ASIC2: variants seen among roughly 807,000 people sequenced by gnomAD.
ASIC2 encodes acid-sensing ion channel 2.
A neutral mutation model predicts 57.3 loss-of-function variants in ASIC2; 25 were observed. That is an observed-to-expected ratio of 0.44 (90% CI 0.32 to 0.61). The LOEUF (loss-of-function observed/expected upper bound fraction) is 0.61. ASIC2 is among the 20% of genes least tolerant of loss of function. ASIC2 has a pLI of 0.06. For synonymous variants in ASIC2, 319 were observed against 307.5 expected, an observed-to-expected ratio of 1.04 and a Z score of -0.39; for missense variants, 641 against 738.1, an observed-to-expected ratio of 0.87 and a Z score of 1.52.
At chr17:33,831,487 G>T (rs1162173724) in intron 1 of ASIC2, among the ~76,000 whole-genome samples, 1 of 151,642 alleles carries the variant, frequency 6.6e-6, no homozygotes, top group Non-Finnish European at 1.5e-5. Flanking sequence ...TTCCCTTAAA[G>T]GATTTTCAAT....
chr17:33,891,890 C>T (rs1914968417), intron 1 of ASIC2, among the ~76,000 whole-genome samples: 1 of 152,224 alleles, frequency 6.6e-6, no homozygotes, highest in African/African-American at 2.4e-5. Context: ...ACACCCACAT[C>T]CCTCCCTGGA....
At chr17:33,046,061 G>A (rs1450965460) in intron 3 of ASIC2, among the ~76,000 whole-genome samples, 1 of 152,194 alleles carries the variant, frequency 6.6e-6, no homozygotes, top group Non-Finnish European at 1.5e-5. Context: ...TTGTTTCCCT[G>A]TACTGTGGTG....
chr17:33,656,438 G>A lies in ASIC2; in HGVS notation c.555+499540C>T, dbSNP rs540737812. On this transcript the variant is annotated intron_variant, in intron 1 of 9. Coordinates refer to the ASIC2 transcript ENST00000359872. ...TCCTTGTCCCCCAACATTGCAAATG[G>A]CCTAAGACCAACACGTTCCTATTTC... Among the ~76,000 whole-genome samples the A allele has an allele frequency of 5.9e-5, 9 of 152,238 alleles. No homozygotes were observed. The East Asian group carries it at 1.7e-3, about 29-fold the overall frequency.
intron 3 of ASIC2, among the ~76,000 whole-genome samples, chr17:33,038,734 C>T (rs16561): frequency 0.52 from 78,649 of 152,038 alleles, 21,607 homozygotes; most frequent in African/African-American, 0.7. Context: ...CAACAGTCGC[C>T]TTCATTTTGT....
At chr17:33,494,668 G>T (rs983816000) in intron 1 of ASIC2, among the ~76,000 whole-genome samples, 1 of 152,182 alleles carries the variant, frequency 6.6e-6, no homozygotes, top group African/African-American at 2.4e-5. Context: ...TGGGGCTGGG[G>T]CTTAAAGCTG....
intron 1 of ASIC2, among the ~76,000 whole-genome samples, chr17:33,353,117 T>C (rs1233186680): frequency 6.6e-6 from 1 of 152,242 alleles, no homozygotes; most frequent in Non-Finnish European, 1.5e-5. Context: ...TGTATTGTGA[T>C]TGAATGGCTC....
At chr17:34,102,100 G>A (rs1249233340) in intron 1 of ASIC2, among the ~76,000 whole-genome samples, 8 of 152,012 alleles carry the variant, frequency 5.3e-5, no homozygotes. Flanking sequence ...ACTGAGGTCA[G>A]GAGTTCGAGA....
intron 1 of ASIC2, among the ~76,000 whole-genome samples, chr17:33,944,868 C>T (rs559458099): frequency 2.6e-5 from 4 of 152,260 alleles, no homozygotes; most frequent in East Asian, 1.9e-4. Context: ...TCCACCAATG[C>T]GTAAAATGGA....
At chr17:33,103,497 C>T (rs774566502) in intron 2 of ASIC2, among the ~76,000 whole-genome samples, 1 of 152,166 alleles carries the variant, frequency 6.6e-6, no homozygotes, top group African/African-American at 2.4e-5. Context: ...TGTTCATTGC[C>T]TTTTAGTGGG....
At chr17:33,144,297 G>A (rs1904457976) in intron 1 of ASIC2, among the ~76,000 whole-genome samples, 1 of 152,156 alleles carries the variant, frequency 6.6e-6, no homozygotes, top group Non-Finnish European at 1.5e-5. Context: ...GAGGGCAGAA[G>A]AGGGGGCCCA....
intron 1 of ASIC2, among the ~76,000 whole-genome samples, chr17:33,327,250 C>T (rs1907116032): frequency 6.6e-6 from 1 of 152,202 alleles, no homozygotes; most frequent in Non-Finnish European, 1.5e-5. Flanking sequence ...TCAAGTCTTG[C>T]CTTCTTTCTG....
chr17:33,516,403 TGTGA>T (rs951619447), intron 1 of ASIC2, among the ~76,000 whole-genome samples: 1 of 123,410 alleles, frequency 8.1e-6, no homozygotes, highest in South Asian at 2.5e-4. Flanking sequence ...TGTTTGTGAG[TGTGA>T]GTGTGTGTGT....
chr17:33,729,654 G>A (rs1345138164), intron 1 of ASIC2, among the ~76,000 whole-genome samples: 1 of 152,120 alleles, frequency 6.6e-6, no homozygotes, highest in East Asian at 1.9e-4. Flanking sequence ...TCCTTAAACT[G>A]CTTTTGCTTT....
intron 1 of ASIC2, among the ~76,000 whole-genome samples, chr17:33,853,585 G>A (rs1271262118): frequency 6.6e-6 from 1 of 152,180 alleles, no homozygotes; most frequent in African/African-American, 2.4e-5. Context: ...GTCATGGGTG[G>A]CCCATTAATG....
intron 1 of ASIC2, among the ~76,000 whole-genome samples, chr17:33,521,886 A>C (rs1914751956): frequency 6.6e-6 from 1 of 152,160 alleles, no homozygotes; most frequent in Non-Finnish European, 1.5e-5. Flanking sequence ...CTGGGTGTGC[A>C]TGGCAGGCAG....
upstream of ASIC2, among the ~76,000 whole-genome samples, chr17:33,294,974 C>T (rs955821562): frequency 6.6e-6 from 1 of 152,168 alleles, no homozygotes; most frequent in East Asian, 1.9e-4. Flanking sequence ...CACAGTGACC[C>T]GTGTCTTGGC....
At chr17:33,750,138 G>T (rs1910383894) in intron 1 of ASIC2, among the ~76,000 whole-genome samples, 1 of 152,018 alleles carries the variant, frequency 6.6e-6, no homozygotes, top group African/African-American at 2.4e-5. Flanking sequence ...TGATGTGTGG[G>T]TGTGCAGGGT....
In ASIC2 at chr17:33,728,257, G is replaced by A. The variant is rs893246760; in HGVS notation, c.555+427721C>T. Among the ~76,000 whole-genome samples the A allele has an allele frequency of 3.9e-5, 6 of 152,146 alleles. No homozygotes were observed. In the South Asian group the frequency reaches 1.2e-3, roughly 32 times the overall value. ...TGGCTCCAGGGGCCCAAAGCCAATG[G>A]TGGGTTTGGCTCTAGCTGGGACACG... On this transcript the variant is annotated intron_variant, in intron 1 of 9. Coordinates refer to the ASIC2 transcript ENST00000359872.
chr17:33,579,719 T>C (rs1426574071), intron 1 of ASIC2, among the ~76,000 whole-genome samples: 2 of 152,148 alleles, frequency 1.3e-5, no homozygotes, highest in Non-Finnish European at 2.9e-5. Flanking sequence ...GTTACAACTG[T>C]TAAAAGTAGT....
Sources: allele counts gnomAD v4.1 joint callset (sites outside exome capture counted in the v4.1 genomes callset), GRCh38; gene constraint gnomAD v4.1.1; transcripts MANE v1.5; gene names NCBI Gene and HGNC (gene_info 2026-07-23, HGNC 2026-07-21).